ZC3H12B: variants seen among roughly 807,000 people sequenced by gnomAD.
ZC3H12B encodes the protein zinc finger CCCH-type containing 12B, also known as probable ribonuclease ZC3H12B.
Under a neutral mutation model 43.9 loss-of-function variants are expected in ZC3H12B, and 7 were observed. The ratio of observed to expected loss-of-function variants is 0.16; its 90% CI spans 0.09 to 0.30. ZC3H12B has a LOEUF of 0.30. Ranked by LOEUF, ZC3H12B falls within the 10% of genes least tolerant of loss-of-function variation. The pLI, the probability that ZC3H12B is intolerant of heterozygous loss-of-function variation, is 1.00. For missense variants in ZC3H12B, 475 were observed against 670.2 expected, an observed-to-expected ratio of 0.71 and a Z score of 3.22; for synonymous variants, 222 against 241.7, an observed-to-expected ratio of 0.92 and a Z score of 0.76.
At chrX:65,132,620 A>G in the ZC3H12B span, among the ~76,000 whole-genome samples, 1 of 111,033 alleles carries the variant, frequency 9.0e-6, no homozygotes, top group Non-Finnish European at 1.9e-5. Context: ...AAATGTCTCT[A>G]CCTAATAAGG....
intron 3 of ZC3H12B, among the ~76,000 whole-genome samples, chrX:65,402,758 G>A (rs533448401): frequency 8.9e-6 from 1 of 112,730 alleles, no homozygotes; most frequent in Non-Finnish European, 1.9e-5. Context: ...AAGAACTGCA[G>A]CATTACTGAG....
chrX:65,301,879 A>G, the ZC3H12B span, among the ~76,000 whole-genome samples: 1 of 111,802 alleles, frequency 8.9e-6, no homozygotes, highest in Non-Finnish European at 1.9e-5. Context: ...AAAATCATTA[A>G]TGTAACCTGT....
At chrX:65,475,534 G>T (rs770120600) in intron 3 of ZC3H12B, among the ~76,000 whole-genome samples, 13 of 110,729 alleles carry the variant, frequency 1.2e-4, no homozygotes, top group Non-Finnish European at 1.7e-4. Flanking sequence ...GTCTTACAAG[G>T]ATCCCTTACA....
intron 3 of ZC3H12B, among the ~76,000 whole-genome samples, chrX:65,414,557 G>A (rs1350499702): frequency 3.6e-5 from 4 of 111,368 alleles, no homozygotes; most frequent in African/African-American, 1.3e-4. Context: ...GCACACAGGA[G>A]CATTAGGGGA....
chrX:65,075,195 T>C, the ZC3H12B span, among the ~76,000 whole-genome samples: 1 of 112,508 alleles, frequency 8.9e-6, no homozygotes, highest in Admixed American at 9.4e-5. Context: ...TTAAAGAGAT[T>C]TATTAGTTCA....
At chrX:65,394,169 T>C (rs774214568) in intron 2 of ZC3H12B, among the ~76,000 whole-genome samples, 18 of 112,405 alleles carry the variant, frequency 1.6e-4, no homozygotes, top group South Asian at 1.1e-3. Context: ...CACTCTGAGA[T>C]AGTTTCTTTT....
the ZC3H12B span, among the ~76,000 whole-genome samples, chrX:65,336,572 C>T: frequency 8.9e-6 from 1 of 112,190 alleles, no homozygotes; most frequent in African/African-American, 3.2e-5. Flanking sequence ...TTAATTTATT[C>T]GAAGTGGATT....
At chrX:65,384,541 A>G (rs2066494193) in intron 2 of ZC3H12B, among the ~76,000 whole-genome samples, 1 of 111,286 alleles carries the variant, frequency 9.0e-6, no homozygotes, top group Non-Finnish European at 1.9e-5. Context: ...TTTAAAAAGG[A>G]AAAAAAAGTT....
chrX:65,249,773 C>T, the ZC3H12B span, among the ~76,000 whole-genome samples: 748 of 82,553 alleles, frequency 9.1e-3, 4 homozygotes, highest in Middle Eastern at 0.027. Context: ...CTTTCAAGTT[C>T]TTGGTTAGGT....
At chrX:65,414,408 G>A (rs1602403007) in intron 3 of ZC3H12B, among the ~76,000 whole-genome samples, 1 of 111,356 alleles carries the variant, frequency 9.0e-6, no homozygotes, top group South Asian at 3.8e-4. Context: ...TTTCTAGTTG[G>A]TTTATGGTGG....
the ZC3H12B span, among the ~76,000 whole-genome samples, chrX:65,334,549 GA>G: frequency 2.7e-5 from 3 of 111,528 alleles, no homozygotes; most frequent in African/African-American, 9.8e-5. Context: ...TTGCTTTTCT[GA>G]AAAAAATATT....
exon 5 of ZC3H12B, chrX:65,502,758 G>A: frequency 8.3e-7 from 1 of 1,209,995 alleles, no homozygotes; most frequent in Non-Finnish European, 1.1e-6. Context: ...ATCCATCCTG[G>A]GGCAACCCCC....
At chrX:65,311,699 G>GT in the ZC3H12B span, among the ~76,000 whole-genome samples, 42 of 111,788 alleles carry the variant, frequency 3.8e-4, no homozygotes, top group African/African-American at 1.3e-3. Flanking sequence ...GCACACGTAT[G>GT]TTTTTTGTGG....
the ZC3H12B span, among the ~76,000 whole-genome samples, chrX:65,257,267 G>T: frequency 8.9e-6 from 1 of 112,034 alleles, no homozygotes; most frequent in Non-Finnish European, 1.9e-5. Flanking sequence ...GGAATACTAT[G>T]CAGCCATAAA....
chrX:65,142,711 T>G, the ZC3H12B span, among the ~76,000 whole-genome samples: 2 of 112,518 alleles, frequency 1.8e-5, no homozygotes, highest in Admixed American at 1.9e-4. Context: ...TTCATTCTCT[T>G]ACATGTGGTT....
the ZC3H12B span, among the ~76,000 whole-genome samples, chrX:65,153,015 A>C: frequency 1.8e-5 from 2 of 112,142 alleles, no homozygotes; most frequent in Non-Finnish European, 3.8e-5. Flanking sequence ...GGTGCTGTGA[A>C]AACTGGCTAG....
chrX:65,375,782 C>A (rs752958990), intron 2 of ZC3H12B, among the ~76,000 whole-genome samples: 1 of 111,872 alleles, frequency 8.9e-6, no homozygotes, highest in South Asian at 3.8e-4. Flanking sequence ...CCCTGAATAA[C>A]CCACAGCAAT....
the ZC3H12B span, among the ~76,000 whole-genome samples, chrX:65,086,367 T>A: frequency 1.8e-5 from 2 of 111,570 alleles, no homozygotes; most frequent in Non-Finnish European, 3.8e-5. Context: ...TTGTAACCAA[T>A]CTTCCATTTC....
chrX:65,211,216 A>T, the ZC3H12B span, among the ~76,000 whole-genome samples: 1 of 109,121 alleles, frequency 9.2e-6, no homozygotes, highest in African/African-American at 3.3e-5. Context: ...GCCCTTTGTC[A>T]GATGGATAGA....
Sources: allele counts gnomAD v4.1 joint callset (sites outside exome capture counted in the v4.1 genomes callset), GRCh38; gene constraint gnomAD v4.1.1; transcripts MANE v1.5; gene names NCBI Gene and HGNC (gene_info 2026-07-23, HGNC 2026-07-21).